Variants in CDK5RAP2 observed in about 807,000 individuals in gnomAD.
CDK5RAP2 encodes CDK5 regulatory subunit associated protein 2.
A neutral mutation model predicts 232.9 loss-of-function variants in CDK5RAP2; 147 were observed. The ratio of observed to expected loss-of-function variants is 0.63; its 90% CI spans 0.55 to 0.72. The LOEUF is 0.72. Among genes scored for constraint, CDK5RAP2 ranks in the 30% least tolerant of loss-of-function variants. The probability of loss-of-function intolerance (pLI) is 0.00; values close to 1 mark genes in which losing one functional copy is unlikely to be tolerated. For synonymous variants in CDK5RAP2, 833 were observed against 833.7 expected (o/e 1.00, Z 0.01); for missense variants, 2,195 against 2,231.5 (o/e 0.98, Z 0.33).
chr9:120,527,329 T>C (rs541502735), intron 10 of CDK5RAP2, among the ~76,000 whole-genome samples: 66 of 152,280 alleles, frequency 4.3e-4, no homozygotes, highest in African/African-American at 1.4e-3. Flanking sequence ...TTCAAAAGAT[T>C]AGACCTGCAT....
intron 18 of CDK5RAP2, among the ~76,000 whole-genome samples, chr9:120,466,472 G>A (rs2037386250): frequency 6.6e-6 from 1 of 152,132 alleles, no homozygotes; most frequent in Non-Finnish European, 1.5e-5. Flanking sequence ...AATCTCAGTT[G>A]GCTGATATTA....
intron 12 of CDK5RAP2, among the ~76,000 whole-genome samples, chr9:120,506,144 TTTAAC>T (rs1192724285): frequency 2.4e-4 from 37 of 152,344 alleles, no homozygotes; most frequent in Middle Eastern, 3.4e-3. Flanking sequence ...AGCTGGTAAC[TTTAAC>T]TGGAAGCCAG....
chr9:120,483,257 A>G (rs1454980964), intron 14 of CDK5RAP2, among the ~76,000 whole-genome samples: 1 of 152,230 alleles, frequency 6.6e-6, no homozygotes, highest in African/African-American at 2.4e-5. Context: ...AACTGTCCCT[A>G]AAACACAGGG....
chr9:120,521,242 A>G (rs2040637911), intron 11 of CDK5RAP2, among the ~76,000 whole-genome samples: 1 of 152,256 alleles, frequency 6.6e-6, no homozygotes, highest in Non-Finnish European at 1.5e-5. Context: ...TACTGTGCCC[A>G]GGTACACTTT....
intron 3 of CDK5RAP2, among the ~76,000 whole-genome samples, chr9:120,567,134 T>C (rs1251703593): frequency 6.6e-6 from 1 of 152,238 alleles, no homozygotes; most frequent in Admixed American, 6.5e-5. Flanking sequence ...GTAGAGCATA[T>C]TTTAATTATA....
intron 3 of CDK5RAP2, among the ~76,000 whole-genome samples, chr9:120,560,374 C>CA (rs2042418611): frequency 6.6e-6 from 1 of 152,136 alleles, no homozygotes; most frequent in African/African-American, 2.4e-5. Context: ...AACACCAAGG[C>CA]ACTAAAGGGA....
chr9:120,571,789 T>C (rs2042863731), intron 2 of CDK5RAP2, 185 bp downstream of exon 2: 2 of 642,494 alleles, frequency 3.1e-6, no homozygotes, highest in South Asian at 1.7e-5. Flanking sequence ...ACAATTCCTC[T>C]AGTCCAGTGT....
At chr9:120,539,272 T>A in intron 5 of CDK5RAP2, 108 bp from the exon 6 acceptor site, 1 of 1,340,074 alleles carries the variant, frequency 7.5e-7, no homozygotes, top group Non-Finnish European at 1.0e-6. Flanking sequence ...CCCACAGACC[T>A]GTGCTGAGCT....
chr9:120,500,082 A>G (rs1486122942), intron 12 of CDK5RAP2, among the ~76,000 whole-genome samples: 2 of 152,230 alleles, frequency 1.3e-5, no homozygotes, highest in Admixed American at 6.5e-5. Flanking sequence ...GGAGCTTCCA[A>G]CTTGGCTCTG....
intron 1 of CDK5RAP2, among the ~76,000 whole-genome samples, chr9:120,577,402 G>T: frequency 6.6e-6 from 1 of 152,002 alleles, no homozygotes; most frequent in African/African-American, 2.4e-5. Context: ...AAGTAGAATG[G>T]TGATTGTCAG....
intron 7 of CDK5RAP2, among the ~76,000 whole-genome samples, chr9:120,533,202 C>G (rs2041232124): frequency 6.6e-6 from 1 of 152,178 alleles, no homozygotes; most frequent in Non-Finnish European, 1.5e-5. Context: ...TCTATCCCCT[C>G]CCACACTGAG....
At chr9:120,415,301 T>C (rs2131345060) in intron 27 of CDK5RAP2, 142 bp from the exon 28 acceptor site, 3 of 890,204 alleles carry the variant, frequency 3.4e-6, no homozygotes, top group Non-Finnish European at 5.4e-6. Flanking sequence ...TTCCTAGGCA[T>C]GGGGAGGGTG....
At chr9:120,465,389 T>A (rs2037320264) in intron 18 of CDK5RAP2, among the ~76,000 whole-genome samples, 2 of 152,236 alleles carry the variant, frequency 1.3e-5, no homozygotes, top group African/African-American at 4.8e-5. Flanking sequence ...GAGATTTTTT[T>A]AAATGTACAC....
rs137974661 is a variant in CDK5RAP2 at position 120,440,045 on chromosome 9, TAGCCA to T, written c.3149-78_3149-74del. The T allele has an allele frequency of 5.3e-3, 7,289 of 1,380,616 alleles. 316 individuals carry two copies. The African/African-American group carries it at 0.09, about 17-fold the overall frequency. The allele number at this position is 1,380,616 out of a possible 1,614,324, so 85.5% of individuals were successfully genotyped here. On this transcript the variant is annotated intron_variant, in intron 23 of 37. Coordinates refer to ENST00000349780, the MANE Select transcript of CDK5RAP2 (RefSeq NM_018249.6). The stretch of plus-strand genomic sequence containing the variant: ...AACCCTCTCTCCTTCCTCACAGCCC[TAGCCA>T]AGCCAAGACCACTGCAGTGACCTAA...
chr9:120,408,458 C>G lies in CDK5RAP2; in HGVS notation c.4615G>C (p.Glu1539Gln). 1 of 1,614,156 alleles carries G rather than the reference C, an allele frequency of 6.2e-7. No homozygotes were observed. Among genetic ancestry groups the G allele is most frequent in the South Asian group, 1.1e-5 (1 of 91,086 alleles). Residue 1539 changes from glutamate to glutamine, a missense_variant, in exon 31 of 38, where the codon GAG becomes CAG. Glu to Gln is a conservative substitution (Grantham distance 29, BLOSUM62 2). Transcript: ENST00000349780. ...AGCAGCTGCTGCCTCAACTTCACCT[C>G]CTCCTGCACCCTGAGAAGGCCCCAC... ...SGQELSRVQEEVKLRQQLLSQ... is the reference protein window; with the variant it reads ...SGQELSRVQEQVKLRQQLLSQ...
At chr9:120,514,801 A>C (rs2040253201) in intron 12 of CDK5RAP2, among the ~76,000 whole-genome samples, 1 of 152,122 alleles carries the variant, frequency 6.6e-6, no homozygotes, top group South Asian at 2.1e-4. Flanking sequence ...CTCCTTCCCA[A>C]ATACCTCCAT....
chr9:120,523,861 A>G (rs1369510058), intron 11 of CDK5RAP2, among the ~76,000 whole-genome samples: 1 of 152,222 alleles, frequency 6.6e-6, no homozygotes, highest in Non-Finnish European at 1.5e-5. Context: ...TAAAATGAGG[A>G]AGAAAGAGGG....
At chr9:120,537,670 G>C (rs919332770) in intron 6 of CDK5RAP2, among the ~76,000 whole-genome samples, 2 of 150,612 alleles carry the variant, frequency 1.3e-5, no homozygotes, top group African/African-American at 4.9e-5. Context: ...TAGCCACACT[G>C]TGCCTGTTTC....
chr9:120,446,812 C>G (rs2036217577), intron 22 of CDK5RAP2, among the ~76,000 whole-genome samples: 1 of 152,192 alleles, frequency 6.6e-6, no homozygotes. Context: ...ACTCATTTCC[C>G]CTGTCTCCCT....
Sources: allele counts gnomAD v4.1 joint callset (sites outside exome capture counted in the v4.1 genomes callset), GRCh38; gene constraint gnomAD v4.1.1; transcripts MANE v1.5; gene names NCBI Gene and HGNC (gene_info 2026-07-23, HGNC 2026-07-21).